The following SFMBT2 variants were observed in gnomAD, a reference collection of about 807,000 sequenced individuals.
The protein encoded by SFMBT2 is Scm like with four mbt domains 2.
In SFMBT2, 38 loss-of-function variants were observed where a neutral mutation model predicts 110.1. That is an observed-to-expected ratio of 0.35 (90% CI 0.27 to 0.45). The LOEUF (loss-of-function observed/expected upper bound fraction) is 0.45. Among genes scored for constraint, SFMBT2 ranks in the 20% least tolerant of loss-of-function variants. The probability of loss-of-function intolerance (pLI) is 1.00; values close to 1 mark genes in which losing one functional copy is unlikely to be tolerated. For missense variants in SFMBT2, 1,011 were observed against 1,094.9 expected (o/e 0.92, Z 1.08); for synonymous variants, 425 against 425.4 (o/e 1.00, Z 0.01).
chr10:7,216,053 A>C (rs150370708), intron 11 of SFMBT2, among the ~76,000 whole-genome samples: 1 of 152,176 alleles, frequency 6.6e-6, no homozygotes, highest in Non-Finnish European at 1.5e-5. Context: ...GCTATAAGTA[A>C]CACCATGATT....
chr10:7,335,293 A>G (rs1182355853), intron 4 of SFMBT2, among the ~76,000 whole-genome samples: 2 of 152,204 alleles, frequency 1.3e-5, no homozygotes, highest in African/African-American at 4.8e-5. Context: ...TGCAAATTGT[A>G]TGTTATGTCT....
At chr10:7,333,255 A>G (rs754604774) in intron 4 of SFMBT2, among the ~76,000 whole-genome samples, 1 of 152,222 alleles carries the variant, frequency 6.6e-6, no homozygotes, top group Non-Finnish European at 1.5e-5. Context: ...GCACAAATAA[A>G]ATATGGGTAG....
At chr10:7,385,227 C>G (rs972423467) in intron 1 of SFMBT2, among the ~76,000 whole-genome samples, 1 of 152,134 alleles carries the variant, frequency 6.6e-6, no homozygotes, top group Admixed American at 6.5e-5. Flanking sequence ...CCCTCCACCC[C>G]TCACCTCTAC....
chr10:7,303,757 G>A (rs1439458315), intron 4 of SFMBT2, among the ~76,000 whole-genome samples: 2 of 152,172 alleles, frequency 1.3e-5, no homozygotes, highest in South Asian at 2.1e-4. Context: ...TTTTCTGCCG[G>A]AAGAGAAAGG....
At chr10:7,292,478 C>T (rs759939857) in intron 4 of SFMBT2, among the ~76,000 whole-genome samples, 3 of 152,190 alleles carry the variant, frequency 2.0e-5, no homozygotes, top group Admixed American at 6.5e-5. Context: ...CTAGTGCTAC[C>T]TACTACTGAG....
intron 7 of SFMBT2, among the ~76,000 whole-genome samples, chr10:7,252,549 T>G: frequency 6.6e-6 from 1 of 152,358 alleles, no homozygotes; most frequent in South Asian, 2.1e-4. Flanking sequence ...TTTGCTCATC[T>G]ATAACAATGA....
chr10:7,171,829 G>A lies in SFMBT2; in HGVS notation c.2415+66C>T. ...ACAGGTTTCCCCACATCGTGGCCCTGAAGTGTAACAGGTGTGCTTCTTCAG... is the reference window on the plus strand; with the variant it reads ...ACAGGTTTCCCCACATCGTGGCCCTAAAGTGTAACAGGTGTGCTTCTTCAG... On this transcript the variant is annotated intron_variant, in intron 19 of 20. Transcript: ENST00000397167. This position sits in a 1 kb window ranked among gnomAD's most constrained non-coding sequence, Gnocchi z 4.9. 3.7e-6 allele frequency: 5 copies of A among 1,351,392 alleles called. No homozygotes were observed. Among genetic ancestry groups the A allele is most frequent in the Non-Finnish European group, 4.8e-6 (5 of 1,050,002 alleles). The allele number at this position is 1,351,392 out of a possible 1,614,324, so 83.7% of individuals were successfully genotyped here.
At chr10:7,291,158 G>A (rs1267774861) in intron 4 of SFMBT2, among the ~76,000 whole-genome samples, 2 of 152,192 alleles carry the variant, frequency 1.3e-5, no homozygotes, top group Non-Finnish European at 2.9e-5. Flanking sequence ...AGAACAGACA[G>A]GTCTGCTGAG....
intron 4 of SFMBT2, among the ~76,000 whole-genome samples, chr10:7,320,349 C>T (rs887889008): frequency 2.6e-5 from 4 of 152,236 alleles, no homozygotes; most frequent in East Asian, 1.9e-4. Flanking sequence ...CATCTTGCCC[C>T]GCGGTATAAA....
intron 4 of SFMBT2, among the ~76,000 whole-genome samples, chr10:7,303,668 A>C (rs1371103755): frequency 6.6e-6 from 1 of 152,198 alleles, no homozygotes; most frequent in Non-Finnish European, 1.5e-5. Context: ...CAATAAAATA[A>C]ATTACTGAGA....
At chr10:7,187,081 G>A (rs561573776) in intron 16 of SFMBT2, among the ~76,000 whole-genome samples, 8 of 152,342 alleles carry the variant, frequency 5.3e-5, no homozygotes, top group African/African-American at 1.9e-4. Context: ...TTGGTAACAT[G>A]AAAACTAGTG....
intron 2 of SFMBT2, 83 bp downstream of exon 2, chr10:7,381,716 G>GC (rs1226289506): frequency 7.2e-7 from 1 of 1,397,350 alleles, no homozygotes; most frequent in Non-Finnish European, 1.0e-6. Flanking sequence ...TACAAATGTT[G>GC]CCCCATTGTT....
chr10:7,361,878 C>T (rs1218176841), intron 4 of SFMBT2, among the ~76,000 whole-genome samples: 2 of 152,124 alleles, frequency 1.3e-5, no homozygotes, highest in African/African-American at 2.4e-5. Context: ...TTTGGGGGCT[C>T]GGCAGGCACC....
At chr10:7,250,686 A>AG (rs1840776840) in intron 7 of SFMBT2, among the ~76,000 whole-genome samples, 1 of 152,224 alleles carries the variant, frequency 6.6e-6, no homozygotes, top group African/African-American at 2.4e-5. Flanking sequence ...GAACTAATTT[A>AG]CATTCCCACC....
chr10:7,244,592 G>T (rs1391704237), intron 8 of SFMBT2, among the ~76,000 whole-genome samples: 1 of 152,062 alleles, frequency 6.6e-6, no homozygotes, highest in Non-Finnish European at 1.5e-5. Flanking sequence ...CAAAGCAGAG[G>T]GTAAAAATCA....
intron 10 of SFMBT2, among the ~76,000 whole-genome samples, chr10:7,225,223 C>T (rs572581643): frequency 4.7e-4 from 72 of 152,304 alleles, no homozygotes; most frequent in African/African-American, 1.6e-3. Context: ...CAATCCACCG[C>T]TTGAGGGTAA....
intron 4 of SFMBT2, among the ~76,000 whole-genome samples, chr10:7,312,214 C>G (rs935353286): frequency 1.3e-5 from 2 of 151,884 alleles, no homozygotes; most frequent in African/African-American, 2.4e-5. Flanking sequence ...TACCCTAGAA[C>G]GTAAAGTATA....
At chr10:7,335,418 T>C (rs770976803) in intron 4 of SFMBT2, among the ~76,000 whole-genome samples, 4 of 152,146 alleles carry the variant, frequency 2.6e-5, no homozygotes, top group Non-Finnish European at 4.4e-5. Context: ...GTATAATCTA[T>C]AGAACAGCAT....
intron 10 of SFMBT2, among the ~76,000 whole-genome samples, chr10:7,223,015 T>A (rs1564392208): frequency 6.6e-6 from 1 of 152,146 alleles, no homozygotes; most frequent in Non-Finnish European, 1.5e-5. Context: ...TAGGACCTCA[T>A]TTTATCTTAA....
Sources: allele counts gnomAD v4.1 joint callset (sites outside exome capture counted in the v4.1 genomes callset), GRCh38; gene constraint gnomAD v4.1.1; non-coding constraint Gnocchi (gnomAD v3.1); transcripts MANE v1.5; gene names NCBI Gene and HGNC (gene_info 2026-07-23, HGNC 2026-07-21).